The following MAD1L1 variants were observed in gnomAD, a reference collection of about 807,000 sequenced individuals.
MAD1L1 encodes the protein mitotic spindle assembly checkpoint protein MAD1.
A neutral mutation model predicts 96.9 loss-of-function variants in MAD1L1; 95 were observed. The ratio of observed to expected loss-of-function variants is 0.98; its 90% CI spans 0.83 to 1.16. The LOEUF (loss-of-function observed/expected upper bound fraction) is 1.16, where lower values mean the gene tolerates loss of function less well. MAD1L1 is among the 50% of genes most tolerant of loss of function. MAD1L1 has a pLI of 0.00. For missense variants in MAD1L1, 1,007 were observed against 954.4 expected, an observed-to-expected ratio of 1.06 and a Z score of -0.73; for synonymous variants, 473 against 396.6, an observed-to-expected ratio of 1.19 and a Z score of -2.29.
rs190542755 is a variant in MAD1L1 at position 2,063,092 on chromosome 7, G to A, written c.1218+6102C>T. Among the ~76,000 whole-genome samples the A allele has an allele frequency of 4.4e-4, 67 of 152,370 alleles. 1 individual carries two copies. Among genetic ancestry groups the A allele is most frequent in the Non-Finnish European group, 5.7e-4 (39 of 68,036 alleles). ...TTAGAGCACGGCTCCGTCTGACAGC[G>A]GAGGCTGTTCTGTTTCTTACACTGG... On this transcript the variant is annotated intron_variant, in intron 12 of 18. Coordinates refer to ENST00000265854, the MANE Select transcript of MAD1L1 (RefSeq NM_001013836.2).
chr7:2,033,955 G>A (rs965298225), intron 12 of MAD1L1, among the ~76,000 whole-genome samples: 3 of 152,118 alleles, frequency 2.0e-5, no homozygotes, highest in African/African-American at 2.4e-5. Flanking sequence ...AATTAGCCAG[G>A]CGGGGCGGCA....
intron 10 of MAD1L1, among the ~76,000 whole-genome samples, chr7:2,205,191 G>A (rs778371936): frequency 1.4e-5 from 2 of 143,544 alleles, no homozygotes; most frequent in Non-Finnish European, 3.0e-5. Context: ...AATGACACCC[G>A]TCCTTGTTTG....
intron 18 of MAD1L1, among the ~76,000 whole-genome samples, chr7:1,858,017 T>C (rs1784342847): frequency 6.6e-6 from 1 of 152,262 alleles, no homozygotes; most frequent in African/African-American, 2.4e-5. Flanking sequence ...CTTTCCTCCC[T>C]GCCTGTATTA....
chr7:1,864,095 C>T (rs1784658902), intron 18 of MAD1L1, among the ~76,000 whole-genome samples: 1 of 152,214 alleles, frequency 6.6e-6, no homozygotes, highest in African/African-American at 2.4e-5. Context: ...GAGGGAGAAA[C>T]TGGCCAGGAT....
intron 12 of MAD1L1, among the ~76,000 whole-genome samples, chr7:2,063,553 C>T (rs992903440): frequency 2.0e-5 from 3 of 152,234 alleles, no homozygotes; most frequent in Non-Finnish European, 4.4e-5. Context: ...GCCTCTGCTC[C>T]ATGTCCCTTC....
At chr7:1,931,462 C>T (rs1195549331) in intron 17 of MAD1L1, among the ~76,000 whole-genome samples, 1 of 152,224 alleles carries the variant, frequency 6.6e-6, no homozygotes, top group East Asian at 1.9e-4. Flanking sequence ...CAGGGAACAG[C>T]GGTCTCCACA....
chr7:2,012,802 T>C (rs1263393972), intron 13 of MAD1L1, among the ~76,000 whole-genome samples: 1 of 152,160 alleles, frequency 6.6e-6, no homozygotes, highest in African/African-American at 2.4e-5. Context: ...ATGTGGGCCC[T>C]GGGCCTGGGG....
chr7:2,195,738 A>G (rs1018545567), intron 10 of MAD1L1, among the ~76,000 whole-genome samples: 1 of 152,224 alleles, frequency 6.6e-6, no homozygotes, highest in Admixed American at 6.5e-5. Flanking sequence ...CTCTTACTCT[A>G]CCTTGCAGAG....
chr7:1,819,221 A>C (rs1441278217), intron 18 of MAD1L1, among the ~76,000 whole-genome samples: 1 of 152,164 alleles, frequency 6.6e-6, no homozygotes, highest in Non-Finnish European at 1.5e-5. Context: ...TTTTTTAAAA[A>C]GCAAATTGCC....
chr7:1,937,009 C>G (rs2128464072), intron 16 of MAD1L1, 112 bp from the exon 17 acceptor site: 1 of 784,164 alleles, frequency 1.3e-6, no homozygotes, highest in Admixed American at 2.6e-5. Context: ...GGGTCACACA[C>G]AGCACAGTGC....
intron 17 of MAD1L1, among the ~76,000 whole-genome samples, chr7:1,907,103 C>T (rs1416410734): frequency 3.3e-5 from 5 of 152,104 alleles, no homozygotes; most frequent in South Asian, 2.1e-4. Flanking sequence ...CTTCAGCCTG[C>T]GAGGGGCGGT....
chr7:1,822,236 G>C (rs1451776405), intron 18 of MAD1L1, among the ~76,000 whole-genome samples: 4 of 151,854 alleles, frequency 2.6e-5, no homozygotes, highest in Non-Finnish European at 5.9e-5. Flanking sequence ...TTAAATACTC[G>C]GGTATACATC....
At chr7:2,184,520 G>A (rs1342440861) in intron 10 of MAD1L1, among the ~76,000 whole-genome samples, 3 of 152,208 alleles carry the variant, frequency 2.0e-5, no homozygotes, top group East Asian at 3.9e-4. Context: ...AGTTATACAC[G>A]TACTCATTAA....
At chr7:2,169,992 G>A (rs1481977259) in intron 10 of MAD1L1, among the ~76,000 whole-genome samples, 1 of 152,244 alleles carries the variant, frequency 6.6e-6, no homozygotes, top group East Asian at 1.9e-4. Context: ...GACGAGACAG[G>A]ATGCAGATAA....
intron 15 of MAD1L1, 140 bp downstream of exon 15, chr7:1,980,313 A>G (rs903782512): frequency 1.7e-5 from 12 of 691,174 alleles, no homozygotes; most frequent in African/African-American, 1.6e-4. Context: ...CGTGGGACAC[A>G]CCTGGGCGTA....
chr7:2,119,315 G>A lies in MAD1L1; in HGVS notation c.1073+29837C>T, dbSNP rs527325199. On this transcript the variant is annotated intron_variant, in intron 11 of 18. Transcript: ENST00000265854. This position sits in a 1 kb window ranked among gnomAD's most constrained non-coding sequence, Gnocchi z 4.6. ...AGAAGCTCCCAGGCCATGGCTCTCC[G>A]CAGCGCCTTCCCTATCGCATCTCCA... 4.6e-5 allele frequency among the ~76,000 whole-genome samples: 7 copies of A among 152,242 alleles called. No homozygotes were observed. In the South Asian group the frequency reaches 8.3e-4, roughly 18 times the overall value.
chr7:2,067,811 G>A (rs1232693774), intron 12 of MAD1L1, among the ~76,000 whole-genome samples: 2 of 152,262 alleles, frequency 1.3e-5, no homozygotes, highest in Non-Finnish European at 2.9e-5. Context: ...GCCACCTCCT[G>A]AGAAAAGCCC....
chr7:2,225,450 T>C lies in MAD1L1; in HGVS notation c.251A>G (p.Glu84Gly). The change falls in exon 4 of 19, where the codon GAG (glutamate) becomes GGG (glycine). Residue 84 changes from glutamate (E) to glycine (G), a missense_variant. Transcript: ENST00000265854. ...ACTGGTGCTGGCTGCTCTCTCCAGC[T>C]CCACTCGAGCCCTCTTGTGACTCAG... is the stretch of plus-strand genomic sequence containing the variant. ...MELSHKRARV[E>G]LERAASTSAR... The C allele has an allele frequency of 6.2e-7, 1 of 1,614,144 alleles. No individual in the cohort carries two copies. Among genetic ancestry groups the C allele is most frequent in the Non-Finnish European group, 8.5e-7 (1 of 1,180,042 alleles).
intron 11 of MAD1L1, among the ~76,000 whole-genome samples, chr7:2,090,984 G>A (rs980490438): frequency 3.3e-5 from 5 of 152,140 alleles, no homozygotes; most frequent in Non-Finnish European, 7.3e-5. Context: ...ATTGAGTCAC[G>A]CCATCATTTA....
Sources: gnomAD v4.1 joint callset for allele counts (sites outside exome capture counted in the v4.1 genomes callset) on GRCh38, gnomAD v4.1.1 for gene constraint, Gnocchi (gnomAD v3.1) non-coding constraint, MANE v1.5 for transcripts, NCBI Gene and HGNC (gene_info 2026-07-23, HGNC 2026-07-21) for gene names.